Variants in PSD3 observed in about 807,000 individuals in gnomAD.
The protein encoded by PSD3 is pleckstrin and Sec7 domain containing 3.
In PSD3, 49 loss-of-function variants were observed where a neutral mutation model predicts 105.5. The ratio of observed to expected loss-of-function variants is 0.46; its 90% CI spans 0.37 to 0.59. The LOEUF (loss-of-function observed/expected upper bound fraction) is 0.59, where lower values mean the gene tolerates loss of function less well. Ranked by LOEUF, PSD3 falls within the 20% of genes least tolerant of loss-of-function variation. The probability of loss-of-function intolerance (pLI) is 0.00; values close to 1 mark genes in which losing one functional copy is unlikely to be tolerated. For missense variants in PSD3, 1,561 were observed against 1,263.8 expected (o/e 1.24, Z -3.57); for synonymous variants, 557 against 457.8 (o/e 1.22, Z -2.77).
intron 9 of PSD3, among the ~76,000 whole-genome samples, chr8:18,752,597 ATATTATATATAATAC>A: frequency 1.2e-5 from 1 of 85,412 alleles, no homozygotes; most frequent in East Asian, 4.0e-4. Context: ...TATATATTAT[ATATTATATATAATAC>A]ATATAATATA....
intron 11 of PSD3, among the ~76,000 whole-genome samples, chr8:18,609,217 C>T (rs139305208): frequency 2.0e-4 from 30 of 152,262 alleles, no homozygotes; most frequent in African/African-American, 6.5e-4. Context: ...GCCATATACA[C>T]ATTAATGAGA....
chr8:18,909,928 C>G (rs1044468291), intron 2 of PSD3, among the ~76,000 whole-genome samples: 11 of 152,210 alleles, frequency 7.2e-5, no homozygotes, highest in African/African-American at 2.7e-4. Flanking sequence ...GGGGCTTTAA[C>G]TTTGGTTGCT....
chr8:18,864,484 C>T (rs937177386), intron 4 of PSD3, among the ~76,000 whole-genome samples: 2 of 152,142 alleles, frequency 1.3e-5, no homozygotes, highest in African/African-American at 2.4e-5. Context: ...TACAAGCTAG[C>T]GACTAACACT....
intron 9 of PSD3, chr8:18,733,316 C>A (rs903281435): frequency 6.6e-6 from 1 of 152,158 alleles, no homozygotes; most frequent in African/African-American, 2.4e-5. Context: ...TCTAGCATAT[C>A]TTTCTAGAAG....
At chr8:18,659,513 A>AAATAACACTTCAT (rs1221894991) in intron 9 of PSD3, among the ~76,000 whole-genome samples, 1 of 152,238 alleles carries the variant, frequency 6.6e-6, no homozygotes, top group Non-Finnish European at 1.5e-5. Context: ...TGACTCAAGT[A>AAATAACACTTCAT]AATAACACTT....
At chr8:18,615,756 C>T (rs1247293754) in intron 11 of PSD3, among the ~76,000 whole-genome samples, 1 of 152,166 alleles carries the variant, frequency 6.6e-6, no homozygotes, top group Non-Finnish European at 1.5e-5. Context: ...ACTGCTGAAT[C>T]AGACAAGTGG....
At chr8:18,650,993 A>G (rs1405945928) in intron 10 of PSD3, among the ~76,000 whole-genome samples, 1 of 152,190 alleles carries the variant, frequency 6.6e-6, no homozygotes, top group Non-Finnish European at 1.5e-5. Flanking sequence ...ACACTTCTTG[A>G]CTTAATTTTC....
intron 9 of PSD3, among the ~76,000 whole-genome samples, chr8:18,737,076 C>G (rs1804201556): frequency 1.3e-5 from 2 of 152,120 alleles, no homozygotes; most frequent in African/African-American, 4.8e-5. Context: ...TTGGAATCAC[C>G]TGGGGAGCAT....
In PSD3 at chr8:18,791,036, C is replaced by A. The variant is rs555510689; in HGVS notation, c.2082+8259G>T. On this transcript the variant is annotated intron_variant, in intron 8 of 15. Coordinates refer to ENST00000327040, the MANE Select transcript of PSD3 (RefSeq NM_015310.4). Reference sequence around the variant, plus strand: ...TAACAAGGGAAATGAAGGACCTCTTCAAGAAGAGCTACAAACCACTGCTCA... The same window carrying A: ...TAACAAGGGAAATGAAGGACCTCTTAAAGAAGAGCTACAAACCACTGCTCA... 1.8e-3 allele frequency among the ~76,000 whole-genome samples: 277 copies of A among 152,168 alleles called. 1 individual carries two copies. The highest frequency in any genetic ancestry group is 6.6e-3 in the African/African-American group (272 of 41,488).
intron 8 of PSD3, among the ~76,000 whole-genome samples, chr8:18,766,356 A>G (rs974460721): frequency 5.9e-5 from 9 of 152,146 alleles, no homozygotes; most frequent in African/African-American, 1.7e-4. Flanking sequence ...CAAAGCAACC[A>G]CAGGTTTATA....
intron 8 of PSD3, among the ~76,000 whole-genome samples, chr8:18,783,254 T>C (rs1808809985): frequency 6.6e-6 from 1 of 152,190 alleles, no homozygotes; most frequent in Non-Finnish European, 1.5e-5. Flanking sequence ...ATCTAGGTTA[T>C]CTAGCTGTTG....
chr8:19,080,409 C>A (rs770158418), intron 1 of PSD3, among the ~76,000 whole-genome samples: 3 of 152,030 alleles, frequency 2.0e-5, no homozygotes, highest in Non-Finnish European at 4.4e-5. Context: ...AACTTTCTAC[C>A]CAAAAGGTAA....
chr8:18,797,758 G>A lies in PSD3; in HGVS notation c.2082+1537C>T, dbSNP rs779330253. On this transcript the variant is annotated intron_variant, in intron 8 of 15. Transcript: ENST00000327040. ...CTCTAAGAGATCTGCAACCTTTAAA[G>A]AGAAATTGCAATATTACTGAATTTT... Among the ~76,000 whole-genome samples, 2 of 152,252 alleles carry A rather than the reference G, an allele frequency of 1.3e-5. 1 individual carries two copies. The highest frequency in any genetic ancestry group is 1.3e-4 in the Admixed American group (2 of 15,276).
chr8:18,592,814 C>T (rs2956665), intron 12 of PSD3, among the ~76,000 whole-genome samples: 129,448 of 152,080 alleles, frequency 0.85, 55,608 homozygotes, highest in South Asian at 0.96. Context: ...TCAGAAATAA[C>T]ACCACCCATC....
At chr8:18,752,483 T>C (rs1393638250) in intron 9 of PSD3, among the ~76,000 whole-genome samples, 1 of 37,212 alleles carries the variant, frequency 2.7e-5, no homozygotes, top group African/African-American at 7.5e-5. Context: ...TATATATTAT[T>C]ATATATATAA....
chr8:18,776,888 TTTTTCCAAGTAG>T (rs1383781992), intron 8 of PSD3, among the ~76,000 whole-genome samples: 2 of 152,150 alleles, frequency 1.3e-5, no homozygotes, highest in Non-Finnish European at 2.9e-5. Flanking sequence ...CCACTTCTCG[TTTTTCCAAGTAG>T]TTGGGGAATA....
At chr8:18,640,600 A>T (rs1191956043) in intron 10 of PSD3, among the ~76,000 whole-genome samples, 1 of 152,088 alleles carries the variant, frequency 6.6e-6, no homozygotes, top group Non-Finnish European at 1.5e-5. Context: ...TTCTGCCATA[A>T]CTGTAAGTTT....
chr8:18,750,408 G>C (rs534380384), intron 9 of PSD3, among the ~76,000 whole-genome samples: 1 of 152,082 alleles, frequency 6.6e-6, no homozygotes, highest in Non-Finnish European at 1.5e-5. Context: ...CGCGTCTGGA[G>C]TTGTTCGTTC....
At chr8:19,018,213 A>C (rs541908728), upstream of PSD3, among the ~76,000 whole-genome samples, 1 of 152,232 alleles carries the variant, frequency 6.6e-6, no homozygotes, top group African/African-American at 2.4e-5. Flanking sequence ...GGAAAATCCC[A>C]CCCTCGCATT....
Sources: allele counts gnomAD v4.1 joint callset (sites outside exome capture counted in the v4.1 genomes callset), GRCh38; gene constraint gnomAD v4.1.1; transcripts MANE v1.5; gene names NCBI Gene and HGNC (gene_info 2026-07-23, HGNC 2026-07-21).